The following MPI variants were observed in gnomAD, a reference collection of about 807,000 sequenced individuals.
MPI encodes the protein mannose-6-phosphate isomerase.
A neutral mutation model predicts 40.1 loss-of-function variants in MPI; 33 were observed. The observed-to-expected ratio is 0.82, with a 90% CI of 0.62 to 1.10. The LOEUF (loss-of-function observed/expected upper bound fraction) is 1.10. Among genes scored for constraint, MPI ranks in the 50% least tolerant of loss-of-function variants. The pLI is 0.00. For missense variants in MPI, 514 were observed against 524.1 expected, an observed-to-expected ratio of 0.98 and a Z score of 0.19; for synonymous variants, 187 against 207.4, an observed-to-expected ratio of 0.90 and a Z score of 0.85.
rs1406625950 is a variant in MPI, at chr15:74,890,073, C to A, written c.-1C>A. On this transcript the variant is annotated 5_prime_UTR_variant, in exon 1 of 8. Coordinates refer to ENST00000352410, the MANE Select transcript of MPI (RefSeq NM_002435.3). ...GCTTAATCCTGGTGCAGGGGGCGAG[C>A]ATGGCCGCTCCGCGAGGTGAGCCAT... The A allele has an allele frequency of 1.2e-6, 2 of 1,607,418 alleles. No individual in the cohort carries two copies. Among genetic ancestry groups the A allele is most frequent in the Admixed American group, 3.3e-5 (2 of 59,998 alleles).
In MPI at chr15:74,891,515, T is replaced by A. The variant is rs2064726297; in HGVS notation, c.281T>A (p.Leu94Gln). ...SKVKDTFNGN[L>Q]PFLFKVLSVE... is the part of the protein sequence containing the mutation. Reference sequence around the variant, plus strand: ...GTCAAGGACACCTTTAATGGCAACCTGCCCTTCCTCTTCAAAGTGCTCTCA... The same window carrying A: ...GTCAAGGACACCTTTAATGGCAACCAGCCCTTCCTCTTCAAAGTGCTCTCA... The change falls in exon 3 of 8, where the codon CTG becomes CAG. Residue 94 changes from leucine (L) to glutamine (Q), a missense_variant. Transcript: ENST00000352410. The A allele has an allele frequency of 1.2e-6, 2 of 1,614,120 alleles. No homozygotes were observed. Among genetic ancestry groups the A allele is most frequent in the African/African-American group, 2.7e-5 (2 of 74,938 alleles).
chr15:74,890,831 T>G, intron 2 of MPI, 177 bp downstream of exon 2: 1 of 823,294 alleles, frequency 1.2e-6, no homozygotes, highest in Non-Finnish European at 2.0e-6. Context: ...TTTGTCATAA[T>G]AGGCTGGGAT....
At chr15:74,890,410 CA>C (rs2064706549) in intron 1 of MPI, 116 bp from the exon 2 acceptor site, 7 of 1,410,740 alleles carry the variant, frequency 5.0e-6, no homozygotes, top group Middle Eastern at 2.3e-4. Context: ...CAACAGCCTA[CA>C]AAACCCTTAT....
chr15:74,890,807 A>C, intron 2 of MPI, 153 bp downstream of exon 2: 1 of 1,004,682 alleles, frequency 1.0e-6, no homozygotes, highest in Admixed American at 2.0e-5. Flanking sequence ...AGTGTTATCA[A>C]AAAGAAGAGA....
rs1555478772 is a variant in MPI at position 74,894,107 on chromosome 15, T to TGTGTGTGTGTGTGTGTTTTCTGAGCCAG, written c.670+788_670+789insTGTGTGTGTGTGTGTTTTCTGAGCCAGG. 4.3e-3 allele frequency among the ~76,000 whole-genome samples: 261 copies of TGTGTGTGTGTGTGTGTTTTCTGAGCCAG among 60,996 alleles called. 85 individuals carry two copies. Among genetic ancestry groups the TGTGTGTGTGTGTGTGTTTTCTGAGCCAG allele is most frequent in the Non-Finnish European group, 8.7e-3 (188 of 21,578 alleles). 40.0% of individuals were successfully genotyped at this position (60,996 alleles called of 152,430 possible). A position where few individuals can be genotyped will look rare whatever the true frequency, so the allele number is the denominator to read the frequency against. On this transcript the variant is annotated intron_variant, in intron 5 of 7. Coordinates refer to ENST00000352410, the MANE Select transcript of MPI (RefSeq NM_002435.3). ...GTGTGTGTGTGTGTGTGTGTGTGTG[T>TGTGTGTGTGTGTGTGTTTTCTGAGCCAG]GGTCTCTTTCTGTTGCCCCAGGCTG...
intron 5 of MPI, among the ~76,000 whole-genome samples, chr15:74,894,492 C>A (rs1483806260): frequency 1.3e-5 from 2 of 151,858 alleles, no homozygotes; most frequent in Non-Finnish European, 2.9e-5. Context: ...GAATTCAAGA[C>A]CAGCCTGGCC....
At position 74,896,339 on chromosome 15, in the gene MPI, C is replaced by T. The variant is rs574240982; in HGVS notation, c.844+14C>T. ...ACCTGAAAGGAGGTGAGCCACATTT[C>T]AGCAGTGAGCCCCACTGCCATCCCT... is the stretch of plus-strand genomic sequence containing the variant. On this transcript the variant is annotated intron_variant, in intron 6 of 7. Coordinates refer to ENST00000352410, the MANE Select transcript of MPI (RefSeq NM_002435.3). 4.3e-6 allele frequency: 7 copies of T among 1,614,074 alleles called. No homozygotes were observed. Among genetic ancestry groups the T allele is most frequent in the South Asian group, 1.1e-5 (1 of 91,086 alleles).
rs955370246 is a variant in MPI at position 74,899,048 on chromosome 15, T to G, written c.*1318T>G. The G allele has an allele frequency of 2.6e-5, 4 of 152,250 alleles. No homozygotes were observed. The highest frequency in any genetic ancestry group is 2.0e-4 in the Admixed American group (3 of 15,288). 9.4% of individuals were successfully genotyped at this position (152,250 alleles called of 1,614,324 possible). ...TACAACATACTCAACTGTTGCAGAT[T>G]ACAGGGACTCAGGAACCGAATTAGA... On this transcript the variant is annotated 3_prime_UTR_variant, in exon 8 of 8. Transcript: ENST00000352410.
intron 6 of MPI, 162 bp from the exon 7 acceptor site, chr15:74,896,849 T>A (rs2064825975): frequency 1.4e-6 from 1 of 710,868 alleles, no homozygotes; most frequent in South Asian, 1.5e-5. Flanking sequence ...CTGTCACCTG[T>A]TTTTGGTATT....
chr15:74,892,484 G>A lies in MPI; in HGVS notation c.346-177G>A, dbSNP rs77963124. On this transcript the variant is annotated intron_variant, in intron 3 of 7. Coordinates refer to ENST00000352410, the MANE Select transcript of MPI (RefSeq NM_002435.3). ...TGCCCCTGATTTGCCCCTGCCCTGGGTTGGCTGAGCCCCAAGTTTCTGCAA... is the reference window on the plus strand; with the variant it reads ...TGCCCCTGATTTGCCCCTGCCCTGGATTGGCTGAGCCCCAAGTTTCTGCAA... Among the ~76,000 whole-genome samples, 995 of 152,332 alleles carry A rather than the reference G, an allele frequency of 6.5e-3. 13 individuals are homozygous for A. The highest frequency in any genetic ancestry group is 0.023 in the African/African-American group (944 of 41,570).
At chr15:74,893,036 C>G in intron 4 of MPI, 102 bp from the exon 5 acceptor site, 3 of 1,507,442 alleles carry the variant, frequency 2.0e-6, no homozygotes, top group Non-Finnish European at 1.8e-6. Context: ...ATTGCCGGCT[C>G]TTTGGTTAGG....
chr15:74,890,219 G>A (rs1172348641), intron 1 of MPI, 130 bp downstream of exon 1: 3 of 1,355,838 alleles, frequency 2.2e-6, no homozygotes, highest in Admixed American at 3.9e-5. Context: ...CCGGGCAGAG[G>A]TGTGGCCACC....
rs1211724844 is a variant in MPI at position 74,900,119 on chromosome 15, C to G, written c.*2389C>G. The G allele has an allele frequency of 1.3e-5, 2 of 152,298 alleles. No homozygotes were observed. The highest frequency in any genetic ancestry group is 4.8e-5 in the African/African-American group (2 of 41,444). 9.4% of individuals were successfully genotyped at this position (152,298 alleles called of 1,614,324 possible). A position where few individuals can be genotyped will look rare whatever the true frequency, so the allele number is the denominator to read the frequency against. On this transcript the variant is annotated 3_prime_UTR_variant, in exon 8 of 8. Coordinates refer to ENST00000352410, the MANE Select transcript of MPI (RefSeq NM_002435.3). ...GGGAGGTAAGCCTGGATACACCCCT[C>G]TCCTCAGGAAACTGTCACCTGCAGA... is the stretch of plus-strand genomic sequence containing the variant.
At chr15:74,891,023 GA>G (rs2064718123) in intron 2 of MPI, 1 of 568,168 alleles carries the variant, frequency 1.8e-6, no homozygotes, top group African/African-American at 1.8e-5. Flanking sequence ...CTCTGCTTCT[GA>G]AACTGGAAGA....
intron 5 of MPI, among the ~76,000 whole-genome samples, chr15:74,894,115 T>C (rs1281795846): frequency 2.0e-5 from 2 of 102,012 alleles, no homozygotes; most frequent in Non-Finnish European, 2.0e-5. Flanking sequence ...TGTGGTCTCT[T>C]TCTGTTGCCC....
rs1401953121 is a variant in MPI, at chr15:74,892,629, A to G, written c.346-32A>G. 3 of 1,613,142 alleles carry G rather than the reference A, an allele frequency of 1.9e-6. No individual in the cohort carries two copies. In the African/African-American group the frequency reaches 4.0e-5, roughly 22 times the overall value. ...CCTGCTAGGTAATGGCTGTACCCTCACCATCCTCCTCTTCCCCTGGCCACC... is the reference window on the plus strand; with the variant it reads ...CCTGCTAGGTAATGGCTGTACCCTCGCCATCCTCCTCTTCCCCTGGCCACC... On this transcript the variant is annotated intron_variant, in intron 3 of 7. Coordinates refer to ENST00000352410, the MANE Select transcript of MPI (RefSeq NM_002435.3).
chr15:74,895,850 CAGT>C (rs1202295349), intron 5 of MPI: 2 of 424,118 alleles, frequency 4.7e-6, no homozygotes, highest in Non-Finnish European at 8.8e-6. Context: ...GCCCAAATGT[CAGT>C]AGCGCCAAGG....
chr15:74,893,284 C>G lies in MPI; in HGVS notation c.634C>G (p.Gln212Glu), dbSNP rs775284878. The G allele has an allele frequency of 1.2e-6, 2 of 1,614,218 alleles. No individual in the cohort carries two copies. Among genetic ancestry groups the G allele is most frequent in the East Asian group, 4.5e-5 (2 of 44,890 alleles). ...GAGTGAGAAGAAGGTGGTGGTGGAA[C>G]AGCTCAACCTGTTGGTGAAGCGGAT... ...MKSEKKVVVEQLNLLVKRISQ... is the reference protein window; with the variant it reads ...MKSEKKVVVEELNLLVKRISQ... Residue 212 changes from glutamine to glutamate, a missense_variant, in exon 5 of 8, where the codon CAG becomes GAG. Coordinates refer to ENST00000352410, the MANE Select transcript of MPI (RefSeq NM_002435.3).
Position 74,896,320 on chromosome 15 carries a change from AAGG to A in MPI, c.843_844+1del, listed in dbSNP as rs1268293635. On this transcript the variant is annotated inframe_deletion and splice_region_variant, in exon 6 of 8. Coordinates refer to ENST00000352410, the MANE Select transcript of MPI (RefSeq NM_002435.3). ...GCCAACGTACCCCATGCCTACCTGA[AAGG>A]AGGTGAGCCACATTTCAGCAGTGAG... 1.9e-6 allele frequency: 3 copies of A among 1,614,094 alleles called. No homozygotes were observed. Among genetic ancestry groups the A allele is most frequent in the Admixed American group, 3.3e-5 (2 of 60,006 alleles).
Sources: gnomAD v4.1 joint callset for allele counts (sites outside exome capture counted in the v4.1 genomes callset) on GRCh38, gnomAD v4.1.1 for gene constraint, MANE v1.5 for transcripts, NCBI Gene and HGNC (gene_info 2026-07-23, HGNC 2026-07-21) for gene names.